SRP19: variants seen among roughly 807,000 people sequenced by gnomAD.
The protein encoded by SRP19 is signal recognition particle 19 kDa protein.
SRP19 carries 11 observed loss-of-function variants against 22.4 expected under a neutral mutation model. The ratio of observed to expected loss-of-function variants is 0.49; its 90% CI spans 0.31 to 0.81. The LOEUF is 0.81. Among genes scored for constraint, SRP19 ranks in the 40% least tolerant of loss-of-function variants. The pLI is 0.05. For synonymous variants in SRP19, 61 were observed against 57.6 expected (o/e 1.06, Z -0.27); for missense variants, 168 against 175.9 (o/e 0.96, Z 0.25).
Position 112,861,345 on chromosome 5 carries a change from G to T in SRP19, c.-32G>T, listed in dbSNP as rs1431316858. 3.7e-6 allele frequency: 6 copies of T among 1,613,976 alleles called. No individual in the cohort carries two copies. The highest frequency in any genetic ancestry group is 5.1e-6 in the Non-Finnish European group (6 of 1,179,982). On this transcript the variant is annotated 5_prime_UTR_variant, in exon 1 of 5. Transcript: ENST00000505459. ...CCGGGTTTCTGCCGGGTTTCTCCCT[G>T]CGGCTCCTGGGTTGTTGAGACTCTT...
At chr5:112,867,252 A>T in intron 4 of SRP19, 152 bp from the exon 5 acceptor site, 1 of 773,948 alleles carries the variant, frequency 1.3e-6, no homozygotes, top group Non-Finnish European at 2.0e-6. Flanking sequence ...TGAGCTAGTC[A>T]GTGTCTTCAG....
chr5:112,891,669 C>T, exon 5 of SRP19: 1 of 1,612,974 alleles, frequency 6.2e-7, no homozygotes, highest in Non-Finnish European at 8.5e-7. Flanking sequence ...TGACGTTTCC[C>T]AAGAAGATGA....
At chr5:112,881,016 C>T (rs1247120073) in intron 4 of SRP19, among the ~76,000 whole-genome samples, 1 of 150,126 alleles carries the variant, frequency 6.7e-6, no homozygotes, top group Admixed American at 6.7e-5. Flanking sequence ...GTAATCACAG[C>T]TACTTGGGAG....
At chr5:112,892,737 C>A in exon 5 of SRP19, 1 of 1,613,882 alleles carries the variant, frequency 6.2e-7, no homozygotes, top group Non-Finnish European at 8.5e-7. Context: ...GCAAGAACTC[C>A]GAGAGGAGGG....
chr5:112,874,798 C>T (rs1471080002), intron 4 of SRP19, among the ~76,000 whole-genome samples: 3 of 144,728 alleles, frequency 2.1e-5, no homozygotes, highest in Non-Finnish European at 3.0e-5. Context: ...TTTTTTGAGA[C>T]GGAGTTTCGC....
chr5:112,872,296 G>A (rs924935067), downstream of SRP19, among the ~76,000 whole-genome samples: 7 of 141,288 alleles, frequency 5.0e-5, no homozygotes, highest in South Asian at 2.4e-4. Flanking sequence ...GAATTCAGAT[G>A]TGTTTAATGA....
chr5:112,882,250 A>G (rs1320778998), intron 4 of SRP19, among the ~76,000 whole-genome samples: 1 of 152,024 alleles, frequency 6.6e-6, no homozygotes, highest in Non-Finnish European at 1.5e-5. Flanking sequence ...ATAATCTTGT[A>G]TCAAGCATCC....
Position 112,862,492 on chromosome 5 carries a change from C to CTAT in SRP19, c.42-14_42-12dup. 1 of 1,611,412 alleles carries CTAT rather than the reference C, an allele frequency of 6.2e-7. No individual in the cohort carries two copies. The highest frequency in any genetic ancestry group is 1.3e-5 in the African/African-American group (1 of 74,974). On this transcript the variant is annotated splice_polypyrimidine_tract_variant and intron_variant, in intron 1 of 4. Coordinates refer to ENST00000505459, the MANE Select transcript of SRP19 (RefSeq NM_003135.3). ...TACTGCTCTAGTGATACCACTTATGCTATTGTCTATGGCAGGTTTATTTGT... is the reference window on the plus strand; with the variant it reads ...TACTGCTCTAGTGATACCACTTATGCTATTATTGTCTATGGCAGGTTTATTTGT...
downstream of SRP19, chr5:112,895,436 G>A (rs1768652974): frequency 6.6e-6 from 1 of 152,022 alleles, no homozygotes; most frequent in Non-Finnish European, 1.5e-5. Context: ...AATATTACCT[G>A]CCTATGTAGA....
exon 4 of SRP19, chr5:112,898,296 C>T (rs1768753809): frequency 6.6e-6 from 1 of 152,178 alleles, no homozygotes; most frequent in South Asian, 2.1e-4. Context: ...TGATTGACAG[C>T]ATCATGAATG....
At chr5:112,895,815 C>T (rs77945589), downstream of SRP19, 10,059 of 152,234 alleles carry the variant, frequency 0.066, 391 homozygotes, top group South Asian at 0.14. Context: ...ACAGATCTGG[C>T]TCTTTTCAAT....
chr5:112,892,987 A>C, exon 5 of SRP19: 1 of 1,582,696 alleles, frequency 6.3e-7, no homozygotes, highest in Non-Finnish European at 8.6e-7. Context: ...GAGCCACCGC[A>C]GCCGGAGCCA....
chr5:112,872,158 T>G (rs1230072257), downstream of SRP19, among the ~76,000 whole-genome samples: 1 of 152,198 alleles, frequency 6.6e-6, no homozygotes, highest in Non-Finnish European at 1.5e-5. Context: ...ATTCAGAGTT[T>G]ACATTATACA....
intron 4 of SRP19, among the ~76,000 whole-genome samples, chr5:112,879,098 C>T (rs1342867888): frequency 2.6e-5 from 4 of 151,938 alleles, no homozygotes; most frequent in Admixed American, 6.6e-5. Context: ...ACAGTGTCAC[C>T]GAAACTGTCT....
In SRP19 at chr5:112,867,712, T is replaced by G; in HGVS notation, c.*175T>G. 1 of 1,350,764 alleles carries G rather than the reference T, an allele frequency of 7.4e-7. No individual in the cohort carries two copies. The highest frequency in any genetic ancestry group is 9.5e-7 in the Non-Finnish European group (1 of 1,050,072). 83.7% of individuals were successfully genotyped at this position (1,350,764 alleles called of 1,614,324 possible). A position where few individuals can be genotyped will look rare whatever the true frequency, so the allele number is the denominator to read the frequency against. On this transcript the variant is annotated 3_prime_UTR_variant, in exon 5 of 5. Transcript: ENST00000505459. ...CAGTGAAACAAATTTACATCAGAAG[T>G]TTGCATCTCGCGTATATGCCGTATA...
intron 4 of SRP19, chr5:112,876,343 G>T (rs1057238582): frequency 6.6e-6 from 1 of 152,018 alleles, no homozygotes; most frequent in Non-Finnish European, 1.5e-5. Context: ...AATAATTCTG[G>T]GTTAGGAAAA....
At chr5:112,879,490 T>C (rs990570784) in intron 4 of SRP19, among the ~76,000 whole-genome samples, 1 of 152,212 alleles carries the variant, frequency 6.6e-6, no homozygotes, top group African/African-American at 2.4e-5. Context: ...TATTTATTTT[T>C]TGAGACGGAG....
downstream of SRP19, chr5:112,894,159 G>GT (rs1470322687): frequency 4.6e-4 from 66 of 142,608 alleles, 1 homozygote; most frequent in African/African-American, 1.7e-3. Context: ...GTCTTGCTCT[G>GT]TTGCCAGGCG....
chr5:112,864,744 T>G lies in SRP19; in HGVS notation c.301+12T>G. 1 of 1,593,960 alleles carries G rather than the reference T, an allele frequency of 6.3e-7. No individual in the cohort carries two copies. The highest frequency in any genetic ancestry group is 1.7e-4 in the Middle Eastern group (1 of 5,724). ...ACAGTTCCCATCACGTAAGCTTGTTTAAATGAATCAGTGGGGCTCAGGGAT... is the reference window on the plus strand; with the variant it reads ...ACAGTTCCCATCACGTAAGCTTGTTGAAATGAATCAGTGGGGCTCAGGGAT... On this transcript the variant is annotated intron_variant, in intron 4 of 4. Transcript: ENST00000505459.
Sources: allele counts gnomAD v4.1 joint callset (sites outside exome capture counted in the v4.1 genomes callset), GRCh38; gene constraint gnomAD v4.1.1; transcripts MANE v1.5; gene names NCBI Gene and HGNC (gene_info 2026-07-23, HGNC 2026-07-21).